Variants in C7 observed in about 807,000 individuals in gnomAD.
C7 encodes complement C7.
A neutral mutation model predicts 104.8 loss-of-function variants in C7; 83 were observed. The ratio of observed to expected loss-of-function variants is 0.79; its 90% CI spans 0.66 to 0.95. The LOEUF is 0.95. Among genes scored for constraint, C7 ranks in the 40% least tolerant of loss-of-function variants. The pLI is 0.00. For missense variants in C7, 1,070 were observed against 1,011.2 expected (o/e 1.06, Z -0.79); for synonymous variants, 415 against 360.6 (o/e 1.15, Z -1.71).
chr5:40,915,669 CAT>C (rs1485659015), intron 1 of C7, among the ~76,000 whole-genome samples: 1 of 152,112 alleles, frequency 6.6e-6, no homozygotes, highest in East Asian at 1.9e-4. Flanking sequence ...GAAAAGTATT[CAT>C]AGTCTCCCCC....
chr5:40,947,756 A>G lies in C7; in HGVS notation c.893A>G (p.Gln298Arg), dbSNP rs746193032. The G allele has an allele frequency of 8.7e-6, 14 of 1,613,794 alleles. No homozygotes were observed. Among genetic ancestry groups the G allele is most frequent in the Non-Finnish European group, 1.2e-5 (14 of 1,179,740 alleles). Reference sequence around the variant, plus strand: ...AGTGCCTACCGAAGATTAATCGACCAGTACGGGACACATTATCTGCAATCT... The same window carrying G: ...AGTGCCTACCGAAGATTAATCGACCGGTACGGGACACATTATCTGCAATCT... The part of the protein sequence containing the change: ...DYSAYRRLID[Q>R]YGTHYLQSGS... The change falls in exon 8 of 18, where the codon CAG becomes CGG. Residue 298 changes from glutamine (Q) to arginine (R), a missense_variant. Coordinates refer to ENST00000313164, the MANE Select transcript of C7 (RefSeq NM_000587.4).
At chr5:40,978,628 A>C (rs1003647081) in intron 16 of C7, among the ~76,000 whole-genome samples, 1 of 152,186 alleles carries the variant, frequency 6.6e-6, no homozygotes, top group Non-Finnish European at 1.5e-5. Flanking sequence ...AACTCCAAGT[A>C]AATGTAGCTT....
chr5:40,911,214 G>A lies in C7; in HGVS notation c.6+1598G>A, dbSNP rs2111601075. 4 of 152,310 alleles carry A rather than the reference G, an allele frequency of 2.6e-5. 1 individual carries two copies. In the South Asian group the frequency reaches 8.3e-4, roughly 32 times the overall value. 9.4% of individuals were successfully genotyped at this position (152,310 alleles called of 1,614,324 possible). Reference sequence around the variant, plus strand: ...TCATATTTTTACAGTAAACCTGAAGGACATGCTTTGGTGATATGTGACAAA... The same window carrying A: ...TCATATTTTTACAGTAAACCTGAAGAACATGCTTTGGTGATATGTGACAAA... On this transcript the variant is annotated intron_variant, in intron 1 of 17. Transcript: ENST00000313164.
At chr5:40,978,872 A>ATTTTT (rs1740874843) in intron 16 of C7, among the ~76,000 whole-genome samples, 8 of 79,110 alleles carry the variant, frequency 1.0e-4, no homozygotes, top group African/African-American at 3.2e-4. Flanking sequence ...ATTTTATGGA[A>ATTTTT]ATTTTTTTTT....
Position 40,909,583 on chromosome 5 carries a change from C to T in C7, c.-28C>T. ...CCCTTACAGAGGAAATCTTCCTCCT[C>T]TCTTCTGCCCTGAATGTTTTCCCAA... is the stretch of plus-strand genomic sequence containing the variant. On this transcript the variant is annotated 5_prime_UTR_variant, in exon 1 of 18. Coordinates refer to ENST00000313164, the MANE Select transcript of C7 (RefSeq NM_000587.4). 6.4e-7 allele frequency: 1 copy of T among 1,558,996 alleles called. No homozygotes were observed. The highest frequency in any genetic ancestry group is 8.8e-7 in the Non-Finnish European group (1 of 1,141,102).
chr5:40,977,997 G>T (rs1740854439), intron 16 of C7, among the ~76,000 whole-genome samples: 1 of 151,922 alleles, frequency 6.6e-6, no homozygotes, highest in East Asian at 1.9e-4. Flanking sequence ...AGCTGGGTGT[G>T]GTGACTCACT....
At position 40,964,834 on chromosome 5, in the gene C7, G is replaced by A. The variant is rs1740509951; in HGVS notation, c.1843G>A (p.Glu615Lys). 1 of 1,613,688 alleles carries A rather than the reference G, an allele frequency of 6.2e-7. No individual in the cohort carries two copies. The highest frequency in any genetic ancestry group is 1.3e-5 in the African/African-American group (1 of 74,934). ...LIGNPVARCG[E>K]DLRWLVGEMH... ...TGGAAACCCAGTGGCCAGATGTGGA[G>A]AAGATTTACGGTGGCTTGTTGGGGA... The change falls in exon 14 of 18, where the codon GAA becomes AAA. Residue 615 changes from glutamate (E) to lysine (K), a missense_variant. Physicochemically the swap from Glu to Lys is moderately conservative, Grantham distance 56 (BLOSUM62 1). Coordinates refer to ENST00000313164, the MANE Select transcript of C7 (RefSeq NM_000587.4).
rs112274862 is a variant in C7 at position 40,916,342 on chromosome 5, A to G, written c.6+6726A>G. 7.5e-3 allele frequency among the ~76,000 whole-genome samples: 1,135 copies of G among 152,302 alleles called. 18 individuals carry two copies. Among genetic ancestry groups the G allele is most frequent in the African/African-American group, 0.026 (1,089 of 41,564 alleles). ...ATAAAAGGCCTCAGGAGTGTTTTAA[A>G]CATCAAACGGACCACCCACAGTACT... is the stretch of plus-strand genomic sequence containing the variant. On this transcript the variant is annotated intron_variant, in intron 1 of 17. Coordinates refer to ENST00000313164, the MANE Select transcript of C7 (RefSeq NM_000587.4).
chr5:40,912,144 T>C (rs1207553087), intron 1 of C7, among the ~76,000 whole-genome samples: 1 of 152,166 alleles, frequency 6.6e-6, no homozygotes, highest in East Asian at 1.9e-4. Context: ...TTGTTCTATC[T>C]CTCTTGTTCA....
intron 7 of C7, 99 bp from the exon 8 acceptor site, chr5:40,947,503 T>C: frequency 7.6e-7 from 1 of 1,320,012 alleles, no homozygotes; most frequent in Non-Finnish European, 1.1e-6. Flanking sequence ...TCTTGGTTGA[T>C]TGGAGATGAG....
chr5:40,967,869 T>C (rs2111693701), intron 14 of C7: 1 of 152,512 alleles, frequency 6.6e-6, no homozygotes, highest in East Asian at 1.9e-4. Flanking sequence ...TTTGGTTTTC[T>C]CCAGCAACTT....
At chr5:40,916,088 TA>T (rs1430150438) in intron 1 of C7, among the ~76,000 whole-genome samples, 1 of 152,166 alleles carries the variant, frequency 6.6e-6, no homozygotes, top group Non-Finnish European at 1.5e-5. Flanking sequence ...AGCTATCAGT[TA>T]AAGTAGGAAA....
At chr5:40,935,398 A>G (rs1372818043) in intron 4 of C7, among the ~76,000 whole-genome samples, 1 of 152,142 alleles carries the variant, frequency 6.6e-6, no homozygotes, top group Non-Finnish European at 1.5e-5. Context: ...GCTGCATTGG[A>G]TTGAGTGGCA....
At chr5:40,972,320 T>C (rs1740715067) in intron 14 of C7, 83 bp from the exon 15 acceptor site, 2 of 1,096,970 alleles carry the variant, frequency 1.8e-6, no homozygotes, top group Admixed American at 4.0e-5. Context: ...GCAGAACAAG[T>C]GTGTCTGCAT....
chr5:40,980,357 T>C (rs1484132562), intron 17 of C7: 1 of 152,638 alleles, frequency 6.6e-6, no homozygotes, highest in Non-Finnish European at 1.5e-5. Context: ...TCTAGCCAGA[T>C]ACTGGTCCAA....
chr5:40,927,711 T>C (rs1739585444), intron 1 of C7, among the ~76,000 whole-genome samples: 2 of 151,992 alleles, frequency 1.3e-5, no homozygotes, highest in African/African-American at 4.8e-5. Context: ...TGCTAATCAT[T>C]AGAGAAATGC....
chr5:40,979,944 G>A (rs758413688), intron 17 of C7, 35 bp downstream of exon 17: 1 of 1,522,408 alleles, frequency 6.6e-7, no homozygotes, highest in Non-Finnish European at 8.9e-7. Flanking sequence ...GTATAAGAAT[G>A]CTAAAGTCAC....
chr5:40,910,791 C>CAAA (rs35542606), intron 1 of C7, among the ~76,000 whole-genome samples: 1 of 88,584 alleles, frequency 1.1e-5, no homozygotes, highest in Admixed American at 1.2e-4. Context: ...GACTCTCTCT[C>CAAA]AAAAAAAAAA....
At chr5:40,945,780 C>T (rs1579855023) in intron 7 of C7, among the ~76,000 whole-genome samples, 1 of 150,922 alleles carries the variant, frequency 6.6e-6, no homozygotes, top group Non-Finnish European at 1.5e-5. Context: ...GGAAGGATCA[C>T]TTGAGCCTTG....
Sources: allele counts gnomAD v4.1 joint callset (sites outside exome capture counted in the v4.1 genomes callset), GRCh38; gene constraint gnomAD v4.1.1; transcripts MANE v1.5; gene names NCBI Gene and HGNC (gene_info 2026-07-23, HGNC 2026-07-21).